The following DMD variants were observed in gnomAD, a reference collection of about 807,000 sequenced individuals.
DMD encodes dystrophin.
DMD carries 63 observed loss-of-function variants against 330.1 expected under a neutral mutation model. The observed-to-expected ratio is 0.19, with a 90% confidence interval of 0.16 to 0.24. The LOEUF is 0.24. DMD is among the 10% of genes least tolerant of loss of function. DMD has a pLI of 1.00. For synonymous variants in DMD, 1,223 were observed against 959.8 expected (o/e 1.27, Z -5.07); for missense variants, 3,344 against 2,684.1 (o/e 1.25, Z -5.43).
intron 1 of DMD, among the ~76,000 whole-genome samples, chrX:33,336,820 G>T (rs2054261480): frequency 9.0e-6 from 1 of 111,449 alleles, no homozygotes; most frequent in Admixed American, 9.6e-5. Context: ...GGGATTTGAA[G>T]ACTTCACGTG....
chrX:32,916,588 G>A (rs1418049841), intron 2 of DMD, among the ~76,000 whole-genome samples: 1 of 111,167 alleles, frequency 9.0e-6, no homozygotes. Flanking sequence ...TATATTTGAT[G>A]GTTTTATATA....
At chrX:32,477,219 A>C (rs1000360330) in intron 21 of DMD, among the ~76,000 whole-genome samples, 1 of 110,830 alleles carries the variant, frequency 9.0e-6, no homozygotes, top group African/African-American at 3.3e-5. Flanking sequence ...AGTGATTGCA[A>C]GCTTGGAAGC....
intron 2 of DMD, among the ~76,000 whole-genome samples, chrX:32,929,428 C>A (rs893973547): frequency 3.7e-5 from 4 of 107,972 alleles, no homozygotes; most frequent in African/African-American, 1.3e-4. Context: ...GCAGCTTTCT[C>A]TCTCTCTCTC....
In DMD at chrX:31,309,497, C is replaced by CT. The variant is rs890132264; in HGVS notation, c.9224+14100dup. ...AAAATATGTAGGCCCGCTCATCCTC[C>CT]TTTTTTTCCCCTCTTGCTCATGGCA... is the stretch of plus-strand genomic sequence containing the variant. On this transcript the variant is annotated intron_variant, in intron 62 of 78. Coordinates refer to ENST00000357033, the MANE Select transcript of DMD (RefSeq NM_004006.3). Among the ~76,000 whole-genome samples the CT allele has an allele frequency of 6.3e-5, 7 of 111,798 alleles. No individual in the cohort carries two copies. The South Asian group carries it at 1.1e-3, about 18-fold the overall frequency.
At chrX:31,525,289 A>G (rs1260661864) in intron 55 of DMD, among the ~76,000 whole-genome samples, 1 of 111,990 alleles carries the variant, frequency 8.9e-6, no homozygotes, top group African/African-American at 3.2e-5. Context: ...ATGTTCGATC[A>G]CCTTTTTAAA....
At chrX:32,741,731 C>A (rs2069300173) in intron 7 of DMD, among the ~76,000 whole-genome samples, 1 of 111,864 alleles carries the variant, frequency 8.9e-6, no homozygotes, top group African/African-American at 3.2e-5. Context: ...ATAATACCAA[C>A]ACAATATTTG....
At chrX:32,720,317 T>C (rs1211919434) in intron 7 of DMD, among the ~76,000 whole-genome samples, 1 of 111,673 alleles carries the variant, frequency 9.0e-6, no homozygotes. Context: ...TAAATGCCTG[T>C]GAAAAAATTG....
At chrX:33,320,592 A>G (rs988208804) in intron 1 of DMD, among the ~76,000 whole-genome samples, 1 of 112,409 alleles carries the variant, frequency 8.9e-6, no homozygotes. Flanking sequence ...CTCTTGCCTC[A>G]ATGTGGATGG....
At chrX:32,877,214 G>C (rs2083448768) in intron 2 of DMD, among the ~76,000 whole-genome samples, 1 of 111,905 alleles carries the variant, frequency 8.9e-6, no homozygotes, top group South Asian at 3.7e-4. Context: ...AATGTATATG[G>C]ATTGATATGT....
At chrX:32,278,281 C>T (rs190708956) in intron 43 of DMD, among the ~76,000 whole-genome samples, 2 of 111,457 alleles carry the variant, frequency 1.8e-5, no homozygotes, top group East Asian at 2.8e-4. Context: ...AAAACCTGAA[C>T]GGACCAGTAA....
chrX:32,811,466 T>G (rs952448682), intron 6 of DMD, among the ~76,000 whole-genome samples: 4 of 112,258 alleles, frequency 3.6e-5, no homozygotes, highest in Non-Finnish European at 7.5e-5. Context: ...ATAATTTAAT[T>G]AAATTTCTCT....
At chrX:31,815,695 C>T (rs2092607330) in intron 50 of DMD, among the ~76,000 whole-genome samples, 1 of 111,342 alleles carries the variant, frequency 9.0e-6, no homozygotes, top group Non-Finnish European at 1.9e-5. Flanking sequence ...ATATGCATAC[C>T]CCTTTGATAT....
At chrX:32,777,273 T>G (rs1170797802) in intron 7 of DMD, among the ~76,000 whole-genome samples, 1 of 1,332 alleles carries the variant, frequency 7.5e-4, no homozygotes, top group African/African-American at 3.8e-3. Flanking sequence ...GTTTGGTTTC[T>G]GGTTGGGGGG....
intron 17 of DMD, among the ~76,000 whole-genome samples, chrX:32,523,342 G>A (rs374751576): frequency 1.8e-5 from 2 of 111,587 alleles, no homozygotes; most frequent in East Asian, 5.7e-4. Flanking sequence ...CTTCAAGGTA[G>A]GTCATAGAAA....
At chrX:32,191,409 T>TA (rs2096974991) in intron 44 of DMD, among the ~76,000 whole-genome samples, 1 of 112,235 alleles carries the variant, frequency 8.9e-6, no homozygotes, top group African/African-American at 3.2e-5. Context: ...CTGACTGGTT[T>TA]AAAATCTCTT....
intron 1 of DMD, among the ~76,000 whole-genome samples, chrX:33,210,647 C>T (rs974819948): frequency 6.3e-5 from 7 of 111,547 alleles, no homozygotes; most frequent in African/African-American, 2.3e-4. Flanking sequence ...GCATAGATCA[C>T]ATCATTATTT....
intron 1 of DMD, among the ~76,000 whole-genome samples, chrX:33,067,030 T>C (rs2148126825): frequency 8.9e-6 from 1 of 112,158 alleles, no homozygotes; most frequent in African/African-American, 3.2e-5. Context: ...ATAAGGACCT[T>C]TGTCATCCTT....
intron 44 of DMD, among the ~76,000 whole-genome samples, chrX:32,161,769 T>A (rs1414898123): frequency 9.0e-6 from 1 of 111,593 alleles, no homozygotes; most frequent in Non-Finnish European, 1.9e-5. Flanking sequence ...GTGAAGTGTG[T>A]GAAAAGAAGG....
chrX:32,042,026 CATATATATAT>C (rs57983190), intron 44 of DMD, among the ~76,000 whole-genome samples: 1,619 of 40,441 alleles, frequency 0.04, 43 homozygotes, highest in East Asian at 0.11. Context: ...TCTCTCTGTT[CATATATATAT>C]ATATATATAT....
Sources: allele counts gnomAD v4.1 joint callset (sites outside exome capture counted in the v4.1 genomes callset), GRCh38; gene constraint gnomAD v4.1.1; transcripts MANE v1.5; gene names NCBI Gene and HGNC (gene_info 2026-07-23, HGNC 2026-07-21).